ZNF618: variants seen among roughly 807,000 people sequenced by gnomAD.
The protein encoded by ZNF618 is zinc finger protein 618.
In ZNF618, 34 loss-of-function variants were observed where a neutral mutation model predicts 103.0. The ratio of observed to expected loss-of-function variants is 0.33; its 90% CI spans 0.25 to 0.44. The LOEUF (loss-of-function observed/expected upper bound fraction) is 0.44. ZNF618 is among the 20% of genes least tolerant of loss of function. The pLI is 1.00. For synonymous variants in ZNF618, 551 were observed against 542.2 expected (o/e 1.02, Z -0.23); for missense variants, 1,059 against 1,295.4 (o/e 0.82, Z 2.80).
rs1345286423 is a variant in ZNF618, at chr9:114,054,519, GA to G, written c.*4353del. On this transcript the variant is annotated 3_prime_UTR_variant, in exon 15 of 15. Coordinates refer to ENST00000374126, the MANE Select transcript of ZNF618 (RefSeq NM_001318042.2). ...AAGGCCGATGATTTAGACAGAACAA[GA>G]GACTAAGTAAGGTCCGGCTATCCCG... 1 of 152,626 alleles carries G rather than the reference GA, an allele frequency of 6.6e-6. No individual in the cohort carries two copies. Among genetic ancestry groups the G allele is most frequent in the Non-Finnish European group, 1.5e-5 (1 of 68,078 alleles). The allele number at this position is 152,626 out of a possible 1,614,324, so 9.5% of individuals were successfully genotyped here.
At chr9:113,901,595 G>T (rs1418223307) in intron 1 of ZNF618, among the ~76,000 whole-genome samples, 1 of 152,208 alleles carries the variant, frequency 6.6e-6, no homozygotes, top group African/African-American at 2.4e-5. Context: ...CCCAGCAAAA[G>T]ACCTTGTTCC....
intron 2 of ZNF618, among the ~76,000 whole-genome samples, chr9:113,984,611 A>G (rs971768948): frequency 1.3e-5 from 2 of 152,198 alleles, no homozygotes; most frequent in Non-Finnish European, 2.9e-5. Context: ...TTCAGGTGGC[A>G]TGGTCAGGTG....
At chr9:114,010,872 A>G (rs1307758981) in intron 9 of ZNF618, among the ~76,000 whole-genome samples, 1 of 152,156 alleles carries the variant, frequency 6.6e-6, no homozygotes, top group African/African-American at 2.4e-5. Flanking sequence ...CCTTAGGAAG[A>G]TGGGCTTTGA....
chr9:113,972,647 G>T (rs551097509), intron 2 of ZNF618, among the ~76,000 whole-genome samples: 1 of 152,338 alleles, frequency 6.6e-6, no homozygotes, highest in South Asian at 2.1e-4. Flanking sequence ...TGGGACTCTG[G>T]AGGAGCTCAC....
intron 1 of ZNF618, among the ~76,000 whole-genome samples, chr9:113,901,105 C>G (rs1830501412): frequency 7.0e-6 from 1 of 142,938 alleles, no homozygotes; most frequent in African/African-American, 2.6e-5. Flanking sequence ...TCCTCTCCCG[C>G]AAACCCGACC....
intron 2 of ZNF618, among the ~76,000 whole-genome samples, 161 bp downstream of exon 2, chr9:113,969,321 G>T (rs148310847): frequency 6.6e-6 from 1 of 152,208 alleles, no homozygotes; most frequent in Non-Finnish European, 1.5e-5. Flanking sequence ...AGAATGTGAG[G>T]TCATAGAAAG....
chr9:114,036,163 G>A, intron 12 of ZNF618, 137 bp from the exon 13 acceptor site: 1 of 712,052 alleles, frequency 1.4e-6, no homozygotes, highest in South Asian at 1.8e-5. Flanking sequence ...GGGGGAGGCA[G>A]GCAGGCTGGG....
At position 114,003,996 on chromosome 9, in the gene ZNF618, C is replaced by T. The variant is rs954753332; in HGVS notation, c.550+1334C>T. On this transcript the variant is annotated intron_variant, in intron 6 of 14. Transcript: ENST00000374126. ...GCAGGATTTGGCCCACAGACTGTTG[C>T]TTGCCAATCCCCGTTCTATGGGTTT... Among the ~76,000 whole-genome samples the T allele has an allele frequency of 1.5e-4, 23 of 152,124 alleles. 1 individual carries two copies. The highest frequency in any genetic ancestry group is 1.1e-3 in the Admixed American group (17 of 15,278).
At chr9:114,032,592 C>G in intron 11 of ZNF618, 53 bp from the exon 12 acceptor site, 1 of 1,556,566 alleles carries the variant, frequency 6.4e-7, no homozygotes. Flanking sequence ...CCCTTGAGAC[C>G]TAGTGCTGAC....
At chr9:113,941,704 A>G (rs937198626) in intron 1 of ZNF618, among the ~76,000 whole-genome samples, 12 of 152,160 alleles carry the variant, frequency 7.9e-5, no homozygotes, top group African/African-American at 2.4e-4. Flanking sequence ...TTTTTCGTCT[A>G]TGAAAGCATT....
intron 1 of ZNF618, among the ~76,000 whole-genome samples, chr9:113,934,075 CTGAT>C (rs1833836828): frequency 6.6e-6 from 1 of 152,108 alleles, no homozygotes; most frequent in South Asian, 2.1e-4. Context: ...GATCCAAGAA[CTGAT>C]TGATCAGAGT....
At chr9:113,995,115 C>T (rs924572596) in intron 3 of ZNF618, among the ~76,000 whole-genome samples, 3 of 152,094 alleles carry the variant, frequency 2.0e-5, no homozygotes, top group Non-Finnish European at 4.4e-5. Context: ...CTCATATTTC[C>T]AGTCCACTGC....
chr9:113,964,998 G>GA (rs372943322), intron 1 of ZNF618, among the ~76,000 whole-genome samples: 4,778 of 108,140 alleles, frequency 0.044, 154 homozygotes, highest in African/African-American at 0.096. Flanking sequence ...GCTTCATTCT[G>GA]AAAAAAAAAA....
chr9:114,010,806 A>G lies in ZNF618; in HGVS notation c.754+2252A>G, dbSNP rs1019710708. On this transcript the variant is annotated intron_variant, in intron 9 of 14. Transcript: ENST00000374126. ...TCTGTGACCTCCCCGTTGAGTATCT[A>G]TCTAGGATCTGGCAGTGGTCCCAGT... Among the ~76,000 whole-genome samples, 7 of 152,334 alleles carry G rather than the reference A, an allele frequency of 4.6e-5. No individual in the cohort carries two copies. In the South Asian group the frequency reaches 8.3e-4, roughly 18 times the overall value.
intron 1 of ZNF618, among the ~76,000 whole-genome samples, chr9:113,884,768 A>AACAC (rs763158809): frequency 0.063 from 7,583 of 119,802 alleles, 504 homozygotes; most frequent in East Asian, 0.24. Context: ...TCGAGACACA[A>AACAC]ACACACAGAG....
At chr9:113,947,667 G>A (rs1420089538) in intron 1 of ZNF618, among the ~76,000 whole-genome samples, 2 of 152,192 alleles carry the variant, frequency 1.3e-5, no homozygotes. Context: ...GACCCCTTGG[G>A]ATGAGGCTGT....
At chr9:113,911,759 A>G (rs1253063593) in intron 1 of ZNF618, among the ~76,000 whole-genome samples, 1 of 152,150 alleles carries the variant, frequency 6.6e-6, no homozygotes, top group Non-Finnish European at 1.5e-5. Flanking sequence ...GACTGCGGGT[A>G]TTCCATGAGG....
In ZNF618 at chr9:113,984,551, A is replaced by T. The variant is rs140106775; in HGVS notation, c.78-3770A>T. Among the ~76,000 whole-genome samples, 85 of 152,328 alleles carry T rather than the reference A, an allele frequency of 5.6e-4. 1 individual carries two copies. In the East Asian group the frequency reaches 0.015, roughly 27 times the overall value. ...ACAGCTCCTCCCTTCCCCTACCAGG[A>T]TGCCATGATGGTGGTGAGGACTTGA... On this transcript the variant is annotated intron_variant, in intron 2 of 14. Coordinates refer to ENST00000374126, the MANE Select transcript of ZNF618 (RefSeq NM_001318042.2).
At chr9:114,022,778 T>A (rs1482236288) in intron 10 of ZNF618, among the ~76,000 whole-genome samples, 2 of 152,054 alleles carry the variant, frequency 1.3e-5, no homozygotes, top group Non-Finnish European at 2.9e-5. Context: ...CTATTTCCCC[T>A]TTTAGGTTTG....
Sources: gnomAD v4.1 joint callset for allele counts (sites outside exome capture counted in the v4.1 genomes callset) on GRCh38, gnomAD v4.1.1 for gene constraint, MANE v1.5 for transcripts, NCBI Gene and HGNC (gene_info 2026-07-23, HGNC 2026-07-21) for gene names.